Variants in FCHSD2 observed in about 807,000 individuals in gnomAD.
FCHSD2 encodes the protein F-BAR and double SH3 domains protein 2.
A neutral mutation model predicts 108.1 loss-of-function variants in FCHSD2; 38 were observed. The ratio of observed to expected loss-of-function variants is 0.35; its 90% CI spans 0.27 to 0.46. The LOEUF is 0.46. Among genes scored for constraint, FCHSD2 ranks in the 20% least tolerant of loss-of-function variants. The pLI is 1.00. For missense variants in FCHSD2, 751 were observed against 897.8 expected, an observed-to-expected ratio of 0.84 and a Z score of 2.09; for synonymous variants, 279 against 314.7, an observed-to-expected ratio of 0.89 and a Z score of 1.20.
chr11:72,850,055 GAGTTT>G (rs1170257800), intron 13 of FCHSD2, among the ~76,000 whole-genome samples, 166 bp from the exon 14 acceptor site: 12 of 114,812 alleles, frequency 1.0e-4, no homozygotes, highest in African/African-American at 3.6e-4. Context: ...TGAAAGAATA[GAGTTT>G]TTTTTTTTTT....
At chr11:72,959,299 G>A (rs1279408817) in intron 8 of FCHSD2, among the ~76,000 whole-genome samples, 7 of 119,704 alleles carry the variant, frequency 5.8e-5, no homozygotes, top group East Asian at 2.9e-4. Context: ...GCCCGATCTC[G>A]GCTCACTGCA....
chr11:73,041,962 C>T (rs566095515), intron 3 of FCHSD2, among the ~76,000 whole-genome samples: 1 of 152,054 alleles, frequency 6.6e-6, no homozygotes, highest in African/African-American at 2.4e-5. Flanking sequence ...GAGTCTCACT[C>T]GTCACCCAGG....
intron 13 of FCHSD2, among the ~76,000 whole-genome samples, chr11:72,853,095 G>A (rs939663360): frequency 3.3e-5 from 5 of 152,084 alleles, no homozygotes; most frequent in Admixed American, 2.0e-4. Flanking sequence ...CCCATGACAC[G>A]AGTTTACCTA....
At chr11:72,951,000 T>C (rs148377994) in intron 8 of FCHSD2, among the ~76,000 whole-genome samples, 140 of 152,320 alleles carry the variant, frequency 9.2e-4, no homozygotes, top group Non-Finnish European at 1.2e-3. Context: ...CCATGCTCTC[T>C]TTCCCCTATC....
chr11:72,982,854 C>G (rs1437834933), intron 8 of FCHSD2, among the ~76,000 whole-genome samples: 1 of 152,076 alleles, frequency 6.6e-6, no homozygotes, highest in Non-Finnish European at 1.5e-5. Flanking sequence ...TTTTAAAAAT[C>G]TAAGTTTTTT....
At chr11:72,967,933 T>C (rs775258251) in intron 8 of FCHSD2, among the ~76,000 whole-genome samples, 2 of 151,666 alleles carry the variant, frequency 1.3e-5, no homozygotes, top group Non-Finnish European at 2.9e-5. Context: ...CTACTAACAA[T>C]ACAAAAAATT....
At chr11:72,870,759 G>A (rs950484602) in intron 12 of FCHSD2, among the ~76,000 whole-genome samples, 1 of 151,814 alleles carries the variant, frequency 6.6e-6, no homozygotes, top group Non-Finnish European at 1.5e-5. Context: ...AATTAGCTGG[G>A]CGTGGTGGCG....
At chr11:72,945,638 G>A (rs1856504212) in intron 8 of FCHSD2, among the ~76,000 whole-genome samples, 1 of 152,104 alleles carries the variant, frequency 6.6e-6, no homozygotes, top group African/African-American at 2.4e-5. Flanking sequence ...GAATATTTTT[G>A]CAATCTACTC....
chr11:73,057,423 T>C (rs368461314), intron 3 of FCHSD2, among the ~76,000 whole-genome samples: 170 of 152,290 alleles, frequency 1.1e-3, no homozygotes, highest in Non-Finnish European at 1.9e-3. Context: ...GTGGTAATTA[T>C]GGGGGTTCCC....
intron 13 of FCHSD2, among the ~76,000 whole-genome samples, chr11:72,856,482 T>C (rs1861432196): frequency 6.6e-6 from 1 of 152,202 alleles, no homozygotes; most frequent in Admixed American, 6.5e-5. Flanking sequence ...ATCCCATAAA[T>C]ATGTATAAAT....
chr11:73,025,668 G>T (rs1858210897), intron 3 of FCHSD2, among the ~76,000 whole-genome samples: 1 of 151,892 alleles, frequency 6.6e-6, no homozygotes, highest in African/African-American at 2.4e-5. Context: ...TAAATAAATA[G>T]AATTTTAAAA....
chr11:73,069,236 T>C (rs1299207374), intron 3 of FCHSD2, among the ~76,000 whole-genome samples: 1 of 137,574 alleles, frequency 7.3e-6, no homozygotes, highest in Non-Finnish European at 1.5e-5. Flanking sequence ...ACTTGAACCA[T>C]GGAGGCAGAG....
At chr11:73,063,577 T>C (rs991316478) in intron 3 of FCHSD2, among the ~76,000 whole-genome samples, 1 of 151,326 alleles carries the variant, frequency 6.6e-6, no homozygotes, top group Non-Finnish European at 1.5e-5. Flanking sequence ...AGGTTCAAAA[T>C]AAAGGGATGG....
At chr11:73,060,225 G>A (rs538715150) in intron 3 of FCHSD2, among the ~76,000 whole-genome samples, 1 of 152,262 alleles carries the variant, frequency 6.6e-6, no homozygotes, top group South Asian at 2.1e-4. Flanking sequence ...CCCATTCAAG[G>A]AAGTTTAAAC....
chr11:72,989,940 A>C lies in FCHSD2; in HGVS notation c.388-843T>G, dbSNP rs144798246. ...AGACACTGGTGAAGGACTATTGTGCAAGGGTGAATAGTGTGGAGGAGGGCA... is the reference window on the plus strand; with the variant it reads ...AGACACTGGTGAAGGACTATTGTGCCAGGGTGAATAGTGTGGAGGAGGGCA... On this transcript the variant is annotated intron_variant, in intron 5 of 19. Transcript: ENST00000409418. Among the ~76,000 whole-genome samples the C allele has an allele frequency of 3.9e-5, 6 of 152,324 alleles. No homozygotes were observed. The East Asian group carries it at 1.2e-3, about 29-fold the overall frequency.
chr11:72,993,062 G>GA (rs1857449137), intron 5 of FCHSD2, among the ~76,000 whole-genome samples: 2 of 151,888 alleles, frequency 1.3e-5, no homozygotes, highest in South Asian at 2.1e-4. Context: ...AAATTTACAA[G>GA]AAAAAAACAA....
At chr11:72,845,461 ACAAC>A (rs796125841) in intron 14 of FCHSD2, among the ~76,000 whole-genome samples, 11 of 16,838 alleles carry the variant, frequency 6.5e-4, no homozygotes, top group Non-Finnish European at 1.1e-3. Context: ...AAAAAAAAAA[ACAAC>A]AACAAACAAA....
intron 18 of FCHSD2, among the ~76,000 whole-genome samples, chr11:72,841,236 A>C (rs1320331937): frequency 6.9e-6 from 1 of 145,768 alleles, no homozygotes; most frequent in Non-Finnish European, 1.5e-5. Context: ...AGGGAGGCTG[A>C]GGCAGGAGGA....
At chr11:72,960,572 T>C (rs201791287) in intron 8 of FCHSD2, among the ~76,000 whole-genome samples, 2 of 152,178 alleles carry the variant, frequency 1.3e-5, no homozygotes, top group East Asian at 3.8e-4. Context: ...TACTTCTTGG[T>C]CCAGTGTTCC....
Sources: gnomAD v4.1 joint callset for allele counts (sites outside exome capture counted in the v4.1 genomes callset) on GRCh38, gnomAD v4.1.1 for gene constraint, MANE v1.5 for transcripts, NCBI Gene and HGNC (gene_info 2026-07-23, HGNC 2026-07-21) for gene names.